The following INSL6 variants were observed in gnomAD, a reference collection of about 807,000 sequenced individuals.
The protein encoded by INSL6 is insulin-like peptide INSL6.
A neutral mutation model predicts 9.4 loss-of-function variants in INSL6; 16 were observed. The ratio of observed to expected loss-of-function variants is 1.70; its 90% CI spans 1.15 to 2.59. INSL6 has a LOEUF of 2.59. INSL6 is among the 30% of genes most tolerant of loss of function. INSL6 has a pLI of 0.00. For missense variants in INSL6, 391 were observed against 257.3 expected (o/e 1.52, Z -3.56); for synonymous variants, 154 against 96.9 (o/e 1.59, Z -3.46).
At chr9:5,052,906 T>C in the INSL6 span, among the ~76,000 whole-genome samples, 1 of 152,112 alleles carries the variant, frequency 6.6e-6, no homozygotes, top group African/African-American at 2.4e-5. Context: ...TTGATGAAAA[T>C]GTGGGCTGCT....
downstream of INSL6, among the ~76,000 whole-genome samples, chr9:5,159,088 T>C (rs1416977952): frequency 6.6e-6 from 1 of 152,120 alleles, no homozygotes; most frequent in African/African-American, 2.4e-5. Context: ...TAATGGATTA[T>C]AAGATATTAT....
chr9:5,147,208 A>T (rs145803538), intron 2 of INSL6, among the ~76,000 whole-genome samples: 7 of 152,048 alleles, frequency 4.6e-5, no homozygotes, highest in Non-Finnish European at 7.4e-5. Flanking sequence ...TCTCAGTGCA[A>T]TCAGCCCAGG....
chr9:5,137,133 GA>G (rs1183529576), intron 2 of INSL6, among the ~76,000 whole-genome samples: 2 of 152,072 alleles, frequency 1.3e-5, no homozygotes, highest in African/African-American at 2.4e-5. Context: ...CAAACAAATG[GA>G]AAAACATTCC....
At chr9:5,022,313 T>A in the INSL6 span, 1 of 710,366 alleles carries the variant, frequency 1.4e-6, no homozygotes, top group South Asian at 2.3e-5. Context: ...TTTATTTTTT[T>A]AATGCTTGTA....
the INSL6 span, among the ~76,000 whole-genome samples, chr9:5,020,308 C>T: frequency 1.4e-4 from 22 of 152,200 alleles, no homozygotes; most frequent in Non-Finnish European, 2.6e-4. Context: ...TGACACTGGA[C>T]GTGGACAAAC....
chr9:5,041,036 C>T, the INSL6 span: 1 of 676,130 alleles, frequency 1.5e-6, no homozygotes, highest in Non-Finnish European at 2.7e-6. Flanking sequence ...ACCGGTTCTA[C>T]AAGCAGCTCA....
the INSL6 span, chr9:5,085,922 C>A: frequency 9.4e-7 from 1 of 1,059,192 alleles, no homozygotes; most frequent in Non-Finnish European, 1.5e-6. Flanking sequence ...ACAGACCTTT[C>A]AAGTCTCTCC....
chr9:5,141,012 C>T (rs1185451927), intron 2 of INSL6, among the ~76,000 whole-genome samples: 3 of 151,962 alleles, frequency 2.0e-5, no homozygotes, highest in Non-Finnish European at 4.4e-5. Flanking sequence ...GCCTCTAGCT[C>T]CATCCATGTC....
chr9:5,007,261 A>G, the INSL6 span, among the ~76,000 whole-genome samples: 2 of 152,142 alleles, frequency 1.3e-5, no homozygotes, highest in Admixed American at 6.5e-5. Context: ...ATATCTTAGT[A>G]TACACTTTTA....
At chr9:5,058,093 G>A in the INSL6 span, among the ~76,000 whole-genome samples, 1 of 152,206 alleles carries the variant, frequency 6.6e-6, no homozygotes, top group East Asian at 1.9e-4. Context: ...ATCCATCAAT[G>A]AATATTCAGG....
chr9:5,184,929 C>T (rs1055134214), intron 1 of INSL6, among the ~76,000 whole-genome samples: 8 of 152,122 alleles, frequency 5.3e-5, no homozygotes, highest in African/African-American at 1.9e-4. Context: ...TCAAATACAA[C>T]TATGTGCTAG....
chr9:5,023,561 T>A, the INSL6 span, among the ~76,000 whole-genome samples: 1 of 152,320 alleles, frequency 6.6e-6, no homozygotes, highest in African/African-American at 2.4e-5. Context: ...GTGACTAAAA[T>A]TCCAGGGGTT....
At chr9:5,075,392 G>A in the INSL6 span, among the ~76,000 whole-genome samples, 19 of 152,142 alleles carry the variant, frequency 1.2e-4, no homozygotes, top group Non-Finnish European at 2.5e-4. Context: ...TCAAAGCTTC[G>A]AAGGACAGGC....
the INSL6 span, chr9:5,097,086 C>G: frequency 1.3e-5 from 2 of 152,168 alleles, no homozygotes; most frequent in Admixed American, 6.5e-5. Context: ...ATGCAGGATC[C>G]TTTGTGGGTC....
chr9:5,014,849 A>C, the INSL6 span, among the ~76,000 whole-genome samples: 1 of 151,892 alleles, frequency 6.6e-6, no homozygotes, highest in South Asian at 2.1e-4. Flanking sequence ...GTTTCTCCCT[A>C]GCTATTCTCC....
the INSL6 span, among the ~76,000 whole-genome samples, chr9:5,033,923 C>A: frequency 2.6e-5 from 4 of 152,098 alleles, no homozygotes; most frequent in East Asian, 1.9e-4. Flanking sequence ...GCTAAATGCT[C>A]CAATTAAAAG....
chr9:5,134,487 G>T (rs533129872), intron 2 of INSL6, among the ~76,000 whole-genome samples: 15 of 152,188 alleles, frequency 9.9e-5, no homozygotes, highest in African/African-American at 9.7e-5. Context: ...GACTAACAGC[G>T]GATCTCTCTG....
At chr9:5,029,739 C>T in the INSL6 span, 1 of 1,506,216 alleles carries the variant, frequency 6.6e-7, no homozygotes, top group Non-Finnish European at 8.9e-7. Context: ...TAAAAATATT[C>T]TGTTGTGTAC....
At chr9:5,121,944 G>A (rs961686096), downstream of INSL6, among the ~76,000 whole-genome samples, 1 of 151,984 alleles carries the variant, frequency 6.6e-6, no homozygotes, top group African/African-American at 2.4e-5. Flanking sequence ...TTCCCCTTGT[G>A]GAATAAAACT....
Sources: allele counts gnomAD v4.1 joint callset (sites outside exome capture counted in the v4.1 genomes callset), GRCh38; gene constraint gnomAD v4.1.1; transcripts MANE v1.5; gene names NCBI Gene and HGNC (gene_info 2026-07-23, HGNC 2026-07-21).